WWOX: variants seen among roughly 807,000 people sequenced by gnomAD.
WWOX encodes the protein WW domain containing oxidoreductase, also known as WW domain-containing oxidoreductase.
WWOX carries 69 observed loss-of-function variants against 46.2 expected under a neutral mutation model. That is an observed-to-expected ratio of 1.49 (90% CI 1.23 to 1.82). The LOEUF (loss-of-function observed/expected upper bound fraction) is 1.82, where lower values mean the gene tolerates loss of function less well. Among genes scored for constraint, WWOX ranks in the 40% most tolerant of loss-of-function variants. The pLI is 0.00. For missense variants in WWOX, 919 were observed against 542.6 expected (o/e 1.69, Z -6.89); for synonymous variants, 359 against 202.6 (o/e 1.77, Z -6.56).
chr16:78,819,715 G>C (rs1306854964), intron 8 of WWOX, among the ~76,000 whole-genome samples: 2 of 152,182 alleles, frequency 1.3e-5, no homozygotes, highest in Non-Finnish European at 2.9e-5. Context: ...GTTGGCCTAA[G>C]CCGCAATTCT....
intron 8 of WWOX, among the ~76,000 whole-genome samples, chr16:78,817,625 G>A (rs957992697): frequency 6.6e-6 from 1 of 152,166 alleles, no homozygotes; most frequent in African/African-American, 2.4e-5. Flanking sequence ...AGTAGTTCAA[G>A]TTTAGCCCCT....
chr16:78,719,634 T>G (rs1283175050), intron 8 of WWOX, among the ~76,000 whole-genome samples: 1 of 152,198 alleles, frequency 6.6e-6, no homozygotes, highest in African/African-American at 2.4e-5. Flanking sequence ...GCTAGTCAGG[T>G]AAGTTAGATT....
At chr16:79,074,708 C>T (rs115117638) in intron 8 of WWOX, among the ~76,000 whole-genome samples, 2 of 151,936 alleles carry the variant, frequency 1.3e-5, no homozygotes, top group African/African-American at 2.4e-5. Context: ...GTTATTTATC[C>T]TCTTCTTCCC....
At chr16:78,657,206 T>A (rs2047101317) in intron 8 of WWOX, among the ~76,000 whole-genome samples, 1 of 152,150 alleles carries the variant, frequency 6.6e-6, no homozygotes. Context: ...CTGTCCATTG[T>A]CATCATCTCC....
intron 8 of WWOX, among the ~76,000 whole-genome samples, chr16:78,904,292 G>C (rs915703834): frequency 7.1e-6 from 1 of 141,310 alleles, no homozygotes; most frequent in Non-Finnish European, 1.5e-5. Flanking sequence ...AGGCTGGAGT[G>C]CACTGGCATG....
intron 8 of WWOX, among the ~76,000 whole-genome samples, chr16:78,958,281 C>G (rs148141501): frequency 8.9e-4 from 135 of 152,178 alleles, no homozygotes; most frequent in African/African-American, 2.9e-3. Flanking sequence ...TTAATTTAAT[C>G]AAATAGTGTC....
intron 6 of WWOX, among the ~76,000 whole-genome samples, chr16:78,407,610 A>T (rs2082578058): frequency 2.0e-5 from 3 of 152,150 alleles, no homozygotes; most frequent in Non-Finnish European, 2.9e-5. Context: ...GATATGTCTC[A>T]TTCTTGGGTT....
At chr16:78,617,020 T>C (rs566690381) in intron 8 of WWOX, among the ~76,000 whole-genome samples, 2 of 152,264 alleles carry the variant, frequency 1.3e-5, no homozygotes, top group African/African-American at 4.8e-5. Flanking sequence ...GCGTGGTGAT[T>C]TTGGCAGCCT....
At chr16:78,923,363 T>C (rs2045423772) in intron 8 of WWOX, among the ~76,000 whole-genome samples, 1 of 152,188 alleles carries the variant, frequency 6.6e-6, no homozygotes, top group Admixed American at 6.5e-5. Flanking sequence ...ACATCATTAT[T>C]TCTAGTTCAG....
At chr16:79,008,540 G>T (rs1408830259) in intron 8 of WWOX, among the ~76,000 whole-genome samples, 7 of 152,100 alleles carry the variant, frequency 4.6e-5, no homozygotes, top group Non-Finnish European at 1.5e-5. Context: ...GGGCCATCTT[G>T]AATCCTGACT....
chr16:78,877,761 A>G (rs1044854304), intron 8 of WWOX, among the ~76,000 whole-genome samples: 4 of 152,220 alleles, frequency 2.6e-5, no homozygotes, highest in African/African-American at 4.8e-5. Context: ...CACGTGGAAG[A>G]CAATATTTAT....
intron 8 of WWOX, among the ~76,000 whole-genome samples, chr16:78,922,963 AG>A (rs2045412847): frequency 7.0e-6 from 1 of 142,356 alleles, no homozygotes; most frequent in Non-Finnish European, 1.5e-5. Context: ...CATATTCAGG[AG>A]GCATAATTCT....
intron 4 of WWOX, among the ~76,000 whole-genome samples, chr16:78,118,007 C>A (rs146849631): frequency 6.6e-6 from 1 of 151,062 alleles, no homozygotes; most frequent in Non-Finnish European, 1.5e-5. Context: ...ATTTGCAAAT[C>A]TAGTATTTCC....
At chr16:79,208,803 T>G (rs1305909562) in intron 8 of WWOX, among the ~76,000 whole-genome samples, 5 of 152,174 alleles carry the variant, frequency 3.3e-5, no homozygotes, top group Non-Finnish European at 7.3e-5. Flanking sequence ...TCTGATCATA[T>G]TAAGATGTCA....
At chr16:78,309,972 A>G (rs1271333210) in intron 5 of WWOX, among the ~76,000 whole-genome samples, 5 of 152,170 alleles carry the variant, frequency 3.3e-5, no homozygotes, top group African/African-American at 1.2e-4. Flanking sequence ...TCGTAGAGCC[A>G]GGGTCTGGGC....
chr16:78,164,341 G>T, intron 5 of WWOX, 52 bp downstream of exon 5: 1 of 1,516,694 alleles, frequency 6.6e-7, no homozygotes. Context: ...CACATGCCGG[G>T]CTAACCATAT....
chr16:78,132,318 G>A (rs764946277), intron 4 of WWOX, among the ~76,000 whole-genome samples: 5 of 152,104 alleles, frequency 3.3e-5, no homozygotes, highest in African/African-American at 7.2e-5. Flanking sequence ...GAGCCACCAC[G>A]CCCGGCCTTG....
intron 8 of WWOX, among the ~76,000 whole-genome samples, chr16:78,984,755 C>T (rs1310632406): frequency 6.6e-6 from 1 of 152,176 alleles, no homozygotes; most frequent in East Asian, 1.9e-4. Context: ...CTTTCTTCGT[C>T]CTCTTTTCGT....
chr16:79,062,771 G>A (rs1043635831), intron 8 of WWOX, among the ~76,000 whole-genome samples: 1 of 152,122 alleles, frequency 6.6e-6, no homozygotes, highest in Non-Finnish European at 1.5e-5. Context: ...AACATCACAG[G>A]GCCCTTCTTT....
Sources: allele counts gnomAD v4.1 joint callset (sites outside exome capture counted in the v4.1 genomes callset), GRCh38; gene constraint gnomAD v4.1.1; transcripts MANE v1.5; gene names NCBI Gene and HGNC (gene_info 2026-07-23, HGNC 2026-07-21).